Variants in TFDP2 observed in about 807,000 individuals in gnomAD.
The protein encoded by TFDP2 is transcription factor Dp-2.
In TFDP2, 17 loss-of-function variants were observed where a neutral mutation model predicts 59.3. That is an observed-to-expected ratio of 0.29 (90% CI 0.20 to 0.43). The LOEUF (loss-of-function observed/expected upper bound fraction) is 0.43. Ranked by LOEUF, TFDP2 falls within the 20% of genes least tolerant of loss-of-function variation. The probability of loss-of-function intolerance (pLI) is 1.00; values close to 1 mark genes in which losing one functional copy is unlikely to be tolerated. For synonymous variants in TFDP2, 180 were observed against 194.7 expected (o/e 0.92, Z 0.63); for missense variants, 391 against 528.8 (o/e 0.74, Z 2.56).
intron 3 of TFDP2, among the ~76,000 whole-genome samples, chr3:142,028,397 T>TCCCCCCC (rs11569172): frequency 4.8e-4 from 51 of 106,612 alleles, no homozygotes; most frequent in African/African-American, 8.3e-4. Context: ...ATTCTTCCCC[T>TCCCCCCC]CCCCCCCCAC....
At chr3:141,989,169 C>T (rs1004195247) in intron 6 of TFDP2, 4 of 152,004 alleles carry the variant, frequency 2.6e-5, no homozygotes, top group African/African-American at 9.7e-5. Context: ...CATAGTTTTC[C>T]AAAAATGTCC....
At chr3:142,017,644 C>T (rs1945241069) in intron 3 of TFDP2, among the ~76,000 whole-genome samples, 1 of 149,722 alleles carries the variant, frequency 6.7e-6, no homozygotes, top group Admixed American at 6.7e-5. Context: ...CCTGTGCCTG[C>T]CGGGTTCATG....
chr3:142,119,188 C>T (rs1174863796), intron 1 of TFDP2, among the ~76,000 whole-genome samples: 1 of 151,470 alleles, frequency 6.6e-6, no homozygotes, highest in African/African-American at 2.4e-5. Flanking sequence ...TCCAAGAAAA[C>T]ATTCCAGAAA....
intron 1 of TFDP2, among the ~76,000 whole-genome samples, chr3:142,113,363 A>G (rs1396083748): frequency 1.3e-5 from 2 of 152,040 alleles, no homozygotes; most frequent in African/African-American, 2.4e-5. Context: ...GGTTCAAGCG[A>G]TTCTCCTGCC....
chr3:142,139,575 C>A (rs1329872778), intron 1 of TFDP2, among the ~76,000 whole-genome samples: 1 of 152,158 alleles, frequency 6.6e-6, no homozygotes, highest in African/African-American at 2.4e-5. Context: ...GTGAAAAAAT[C>A]TCTCAGCATT....
chr3:142,059,687 C>A (rs2059853397), intron 3 of TFDP2, among the ~76,000 whole-genome samples: 1 of 152,118 alleles, frequency 6.6e-6, no homozygotes, highest in African/African-American at 2.4e-5. Context: ...TCCAGCGATT[C>A]TCCTGCCTCA....
At chr3:142,126,181 C>CTTTTTTTTT (rs747958824) in intron 1 of TFDP2, 1 of 136,854 alleles carries the variant, frequency 7.3e-6, no homozygotes, top group Non-Finnish European at 1.6e-5. Flanking sequence ...TTTTTCTTTT[C>CTTTTTTTTT]TTTTTTTTTT....
intron 3 of TFDP2, among the ~76,000 whole-genome samples, chr3:142,047,736 CT>C (rs10707832): frequency 0.51 from 57,533 of 112,148 alleles, 13,579 homozygotes; most frequent in East Asian, 0.66. Flanking sequence ...AACTAATATG[CT>C]TTTTTTTTTT....
intron 3 of TFDP2, among the ~76,000 whole-genome samples, chr3:142,030,101 T>G (rs1464819619): frequency 1.3e-5 from 2 of 152,234 alleles, no homozygotes; most frequent in Admixed American, 6.5e-5. Flanking sequence ...AAATACATAT[T>G]GAATCAAATA....
intron 2 of TFDP2, among the ~76,000 whole-genome samples, chr3:142,094,779 T>C (rs2108625164): frequency 6.6e-6 from 1 of 152,348 alleles, no homozygotes; most frequent in Admixed American, 6.5e-5. Context: ...ATTACCTCTA[T>C]ATAGCTATTA....
In TFDP2 at chr3:141,994,926, C is replaced by A. The variant is rs1338692687; in HGVS notation, c.308+94G>T. 1.3e-5 allele frequency: 15 copies of A among 1,148,016 alleles called. No homozygotes were observed. The East Asian group carries it at 3.8e-4, about 29-fold the overall frequency. The allele number at this position is 1,148,016 out of a possible 1,614,324, so 71.1% of individuals were successfully genotyped here. On this transcript the variant is annotated intron_variant, in intron 5 of 12. Transcript: ENST00000489671. ...AAGGAAAAACATTTGTTTTTAAGAA[C>A]TAAACTAAAACAAGAACAGAAGACA...
chr3:142,137,202 G>T (rs1444302869), intron 1 of TFDP2, among the ~76,000 whole-genome samples: 1 of 152,162 alleles, frequency 6.6e-6, no homozygotes, highest in Non-Finnish European at 1.5e-5. Flanking sequence ...TGGTGTGTAG[G>T]AATGCTTGTG....
At chr3:142,037,130 A>G (rs1314053011) in intron 3 of TFDP2, among the ~76,000 whole-genome samples, 3 of 152,252 alleles carry the variant, frequency 2.0e-5, no homozygotes, top group Non-Finnish European at 4.4e-5. Context: ...TCAACTAAGT[A>G]ACATGATAAA....
intron 3 of TFDP2, among the ~76,000 whole-genome samples, chr3:142,042,663 T>C (rs1397662582): frequency 7.1e-6 from 1 of 141,380 alleles, no homozygotes; most frequent in Non-Finnish European, 1.5e-5. Flanking sequence ...CATTTATTAG[T>C]GCAGCAGAAA....
At chr3:142,114,843 G>A (rs1560159813) in intron 1 of TFDP2, among the ~76,000 whole-genome samples, 2 of 152,060 alleles carry the variant, frequency 1.3e-5, no homozygotes, top group Non-Finnish European at 2.9e-5. Flanking sequence ...TCAGGTACAT[G>A]TATATGCATA....
At chr3:141,959,880 G>A (rs760895133) in intron 10 of TFDP2, 40 bp from the exon 11 acceptor site, 3 of 1,603,528 alleles carry the variant, frequency 1.9e-6, no homozygotes, top group Admixed American at 3.4e-5. Context: ...TGGTGGTGCT[G>A]GAGAGGTCTG....
intron 3 of TFDP2, chr3:142,043,858 A>G: frequency 7.6e-7 from 1 of 1,313,378 alleles, no homozygotes; most frequent in African/African-American, 1.4e-5. Context: ...GCTGTGATAC[A>G]TATGGCGATC....
chr3:142,124,942 C>G (rs962201246), intron 1 of TFDP2, among the ~76,000 whole-genome samples: 1 of 152,162 alleles, frequency 6.6e-6, no homozygotes, highest in African/African-American at 2.4e-5. Flanking sequence ...ACACCTGTAA[C>G]TCCAGTGCTC....
At chr3:142,006,779 T>C (rs1944248868) in intron 3 of TFDP2, among the ~76,000 whole-genome samples, 1 of 148,074 alleles carries the variant, frequency 6.8e-6, no homozygotes, top group Admixed American at 6.7e-5. Context: ...AATGACTTCT[T>C]TTTCTTTTTC....
Sources: allele counts gnomAD v4.1 joint callset (sites outside exome capture counted in the v4.1 genomes callset), GRCh38; gene constraint gnomAD v4.1.1; transcripts MANE v1.5; gene names NCBI Gene and HGNC (gene_info 2026-07-23, HGNC 2026-07-21).